Variants in PCDHGA4 observed in about 807,000 individuals in gnomAD.
PCDHGA4 encodes the protein protocadherin gamma subfamily A, 4.
Under a neutral mutation model 54.6 loss-of-function variants are expected in PCDHGA4, and 38 were observed. The ratio of observed to expected loss-of-function variants is 0.70; its 90% CI spans 0.54 to 0.91. The LOEUF is 0.91. Among genes scored for constraint, PCDHGA4 ranks in the 40% least tolerant of loss-of-function variants. The pLI is 0.00. For missense variants in PCDHGA4, 1,298 were observed against 1,220.9 expected (o/e 1.06, Z -0.94); for synonymous variants, 511 against 512.9 (o/e 1.00, Z 0.05).
At chr5:141,388,351 C>A in intron 1 of PCDHGA4, 1 of 1,614,016 alleles carries the variant, frequency 6.2e-7, no homozygotes. Flanking sequence ...ATATTAGGAT[C>A]TGCCCATGAT....
intron 1 of PCDHGA4, chr5:141,378,509 C>T (rs60712207): frequency 0.33 from 49,377 of 151,848 alleles, 8,313 homozygotes; most frequent in Admixed American, 0.44. Flanking sequence ...GGTGACAGAG[C>T]GAGACTCTGT....
intron 1 of PCDHGA4, chr5:141,383,470 T>G (rs1779162782): frequency 6.2e-7 from 1 of 1,613,710 alleles, no homozygotes; most frequent in Non-Finnish European, 8.5e-7. Flanking sequence ...TGAAACTAAG[T>G]ACCCGGAACT....
intron 1 of PCDHGA4, chr5:141,374,885 G>A (rs753304716): frequency 9.3e-6 from 15 of 1,613,516 alleles, no homozygotes; most frequent in South Asian, 1.1e-5. Flanking sequence ...GACTGCCACC[G>A]ACCAGGATGA....
At chr5:141,383,394 C>A in intron 1 of PCDHGA4, 2 of 1,614,036 alleles carry the variant, frequency 1.2e-6, no homozygotes, top group Non-Finnish European at 1.7e-6. Context: ...TGGGCACGAA[C>A]TCCCTCCAGA....
intron 1 of PCDHGA4, chr5:141,414,343 A>G: frequency 1.9e-6 from 3 of 1,613,882 alleles, no homozygotes; most frequent in Non-Finnish European, 2.5e-6. Flanking sequence ...AACCTGTTCC[A>G]TTTTGGCGTA....
intron 1 of PCDHGA4, chr5:141,403,328 A>G: frequency 1.8e-5 from 29 of 1,613,998 alleles, no homozygotes; most frequent in Non-Finnish European, 2.4e-5. Context: ...AGTAACTGAT[A>G]TTAACGACAG....
In PCDHGA4 at chr5:141,355,575, T is replaced by C; in HGVS notation, c.468T>C (p.Asp156=). Residue 156 remains aspartate, a synonymous_variant, in exon 1 of 4, where the codon GAT becomes GAC. Transcript: ENST00000571252. ...KILRVEVEII[D]VNDNPPSFGT... is the part of the protein sequence containing the mutation. ...TGCGGGTAGAGGTGGAAATAATCGA[T>C]GTTAATGATAACCCACCCAGTTTTG... The C allele has an allele frequency of 6.2e-7, 1 of 1,614,004 alleles. No homozygotes were observed. Among genetic ancestry groups the C allele is most frequent in the East Asian group, 2.2e-5 (1 of 44,880 alleles).
intron 1 of PCDHGA4, among the ~76,000 whole-genome samples, chr5:141,448,106 A>G (rs1308837314): frequency 1.3e-5 from 2 of 151,996 alleles, no homozygotes. Context: ...AAATTAAAAG[A>G]AAAGAAAATT....
chr5:141,389,749 G>C (rs1361443182), intron 1 of PCDHGA4: 1 of 1,612,740 alleles, frequency 6.2e-7, no homozygotes, highest in South Asian at 1.1e-5. Context: ...CTGCGCACGG[G>C]CGAAGTGCGC....
intron 1 of PCDHGA4, chr5:141,372,687 T>G: frequency 6.2e-7 from 1 of 1,614,018 alleles, no homozygotes. Flanking sequence ...AAACACCGAG[T>G]TTAAATTTCT....
intron 1 of PCDHGA4, chr5:141,375,488 G>C (rs948208439): frequency 6.2e-7 from 1 of 1,613,976 alleles, no homozygotes; most frequent in Non-Finnish European, 8.5e-7. Context: ...CCCCAGGGGT[G>C]CCTCCATCTT....
chr5:141,413,388 C>T (rs765673305), intron 1 of PCDHGA4: 39 of 1,614,012 alleles, frequency 2.4e-5, no homozygotes, highest in Non-Finnish European at 3.2e-5. Context: ...TCCGCATAGT[C>T]TCCAGAGGTA....
At position 141,477,107 on chromosome 5, in the gene PCDHGA4, C is replaced by A. The variant is rs1431445150; in HGVS notation, c.2515-17700C>A. ...CCAGGCCAAAGACAAGGGCGCCAAT[C>A]CCGAAGGAGCACATTGCAAAGTGTT... On this transcript the variant is annotated intron_variant, in intron 1 of 3. Coordinates refer to ENST00000571252, the MANE Select transcript of PCDHGA4 (RefSeq NM_018917.4). This position sits in a 1 kb window ranked among gnomAD's most constrained non-coding sequence, Gnocchi z 4.9. 1 of 1,614,252 alleles carries A rather than the reference C, an allele frequency of 6.2e-7. No homozygotes were observed. The highest frequency in any genetic ancestry group is 8.5e-7 in the Non-Finnish European group (1 of 1,180,048).
intron 1 of PCDHGA4, chr5:141,361,429 CT>C (rs1482973199): frequency 6.2e-6 from 10 of 1,613,948 alleles, no homozygotes; most frequent in Non-Finnish European, 8.5e-6. Context: ...CAAGCCGCCC[CT>C]CTCCTCCAGC....
Position 141,362,113 on chromosome 5 carries a change from C to T in PCDHGA4, c.2514+4492C>T, listed in dbSNP as rs769104675. ...GCCGCCACTCTCCGCTACGGCCACG[C>T]TGCACCTAATCTTCGCGGATAGCCT... On this transcript the variant is annotated intron_variant, in intron 1 of 3. Coordinates refer to ENST00000571252, the MANE Select transcript of PCDHGA4 (RefSeq NM_018917.4). 2.5e-6 allele frequency: 4 copies of T among 1,614,018 alleles called. No individual in the cohort carries two copies. In the Admixed American group the frequency reaches 6.7e-5, roughly 27 times the overall value.
intron 1 of PCDHGA4, chr5:141,423,750 T>TG (rs144521096): frequency 0.16 from 45,934 of 282,282 alleles, 1,791 homozygotes; most frequent in African/African-American, 0.37. Context: ...GAAAACTGTT[T>TG]GGGGGGGGGG....
intron 1 of PCDHGA4, among the ~76,000 whole-genome samples, chr5:141,424,839 A>G (rs1264853498): frequency 6.6e-6 from 1 of 152,198 alleles, no homozygotes; most frequent in Non-Finnish European, 1.5e-5. Context: ...CATACATGTT[A>G]TCTGAAGCAA....
At chr5:141,440,428 C>A (rs1001845529) in intron 1 of PCDHGA4, 1 of 152,132 alleles carries the variant, frequency 6.6e-6, no homozygotes, top group Non-Finnish European at 1.5e-5. Context: ...GCCTGGGTGA[C>A]AGAGCAAGGC....
intron 1 of PCDHGA4, among the ~76,000 whole-genome samples, chr5:141,373,025 G>T (rs1194348949): frequency 6.6e-6 from 1 of 152,092 alleles, no homozygotes; most frequent in East Asian, 1.9e-4. Context: ...TGATAGTCTT[G>T]AAACTTTTCT....
Sources: allele counts gnomAD v4.1 joint callset (sites outside exome capture counted in the v4.1 genomes callset), GRCh38; gene constraint gnomAD v4.1.1; non-coding constraint Gnocchi (gnomAD v3.1); transcripts MANE v1.5; gene names NCBI Gene and HGNC (gene_info 2026-07-23, HGNC 2026-07-21).